The following AP3B1 variants were observed in gnomAD, a reference collection of about 807,000 sequenced individuals.
AP3B1 encodes the protein AP-3 complex subunit beta-1.
Under a neutral mutation model 132.5 loss-of-function variants are expected in AP3B1, and 61 were observed. The observed-to-expected ratio is 0.46, with a 90% CI of 0.37 to 0.57. The LOEUF is 0.57. Ranked by LOEUF, AP3B1 falls within the 20% of genes least tolerant of loss-of-function variation. The pLI is 0.00. For synonymous variants in AP3B1, 388 were observed against 438.3 expected, an observed-to-expected ratio of 0.89 and a Z score of 1.43; for missense variants, 1,120 against 1,289.4, an observed-to-expected ratio of 0.87 and a Z score of 2.01.
At chr5:78,244,967 C>T (rs533394778) in intron 2 of AP3B1, among the ~76,000 whole-genome samples, 1 of 151,810 alleles carries the variant, frequency 6.6e-6, no homozygotes, top group Non-Finnish European at 1.5e-5. Context: ...TGCACTCCAG[C>T]GTGGTGACAG....
chr5:78,115,093 C>T (rs1751767336), intron 18 of AP3B1, among the ~76,000 whole-genome samples: 1 of 152,094 alleles, frequency 6.6e-6, no homozygotes, highest in Admixed American at 6.5e-5. Flanking sequence ...GTTTATTTTA[C>T]TAAAATAAAG....
intron 7 of AP3B1, among the ~76,000 whole-genome samples, chr5:78,187,530 T>C (rs189966764): frequency 2.7e-4 from 41 of 152,266 alleles, no homozygotes; most frequent in Admixed American, 2.6e-3. Context: ...TTTAAGATTA[T>C]GGCAGTATAT....
intron 15 of AP3B1, among the ~76,000 whole-genome samples, chr5:78,134,577 G>A (rs1046418043): frequency 6.6e-6 from 1 of 152,018 alleles, no homozygotes. Flanking sequence ...TTTCGCTCTG[G>A]TTGCCCAGGC....
At chr5:78,124,903 A>AT (rs1248893389) in intron 17 of AP3B1, among the ~76,000 whole-genome samples, 2 of 152,280 alleles carry the variant, frequency 1.3e-5, no homozygotes, top group South Asian at 4.1e-4. Flanking sequence ...TCAAACGTGC[A>AT]TTTTTTCTTG....
chr5:78,045,476 C>A (rs531573728), intron 22 of AP3B1, among the ~76,000 whole-genome samples: 8 of 150,950 alleles, frequency 5.3e-5, no homozygotes, highest in Non-Finnish European at 1.0e-4. Flanking sequence ...TTACGCCAAA[C>A]TTCTCCAGCA....
intron 1 of AP3B1, among the ~76,000 whole-genome samples, chr5:78,290,214 AG>A: frequency 6.6e-6 from 1 of 152,172 alleles, no homozygotes; most frequent in East Asian, 1.9e-4. Flanking sequence ...ACTTAAATCC[AG>A]GTCTTCTAAC....
chr5:78,004,779 C>A (rs1746322858), intron 26 of AP3B1, among the ~76,000 whole-genome samples: 1 of 152,164 alleles, frequency 6.6e-6, no homozygotes, highest in Non-Finnish European at 1.5e-5. Flanking sequence ...TCTGACAGAG[C>A]AGTATTCCTA....
intron 7 of AP3B1, among the ~76,000 whole-genome samples, chr5:78,215,289 A>T (rs1360556940): frequency 6.6e-6 from 1 of 152,056 alleles, no homozygotes; most frequent in African/African-American, 2.4e-5. Flanking sequence ...GACTAGAATG[A>T]ATGTGCTATT....
At chr5:78,177,541 G>C in intron 8 of AP3B1, 105 bp from the exon 9 acceptor site, 1 of 880,892 alleles carries the variant, frequency 1.1e-6, no homozygotes, top group Non-Finnish European at 1.9e-6. Context: ...ACAAATTCCT[G>C]TGACGTAAAA....
rs1302818044 is a variant in AP3B1, at chr5:78,039,111, A to G, written c.2741T>C (p.Ile914Thr). ...ITLNNTTDRK[I>T]ENIHIGEKKL... The stretch of plus-strand genomic sequence containing the variant: ...TTTTTCCCCTATGTGGATATTTTCT[A>G]TCTTTCGATCAGTAGTGTTATTCAG... The change falls in exon 23 of 27, where the codon ATA becomes ACA. Residue 914 changes from isoleucine (I) to threonine (T), a missense_variant. Physicochemically the swap from Ile to Thr is moderately conservative, Grantham distance 89. Transcript: ENST00000255194. The G allele has an allele frequency of 3.1e-6, 5 of 1,613,440 alleles. No homozygotes were observed. Among genetic ancestry groups the G allele is most frequent in the African/African-American group, 2.7e-5 (2 of 74,894 alleles).
chr5:78,096,599 T>C (rs527344064), intron 21 of AP3B1, among the ~76,000 whole-genome samples: 2,377 of 146,750 alleles, frequency 0.016, 62 homozygotes, highest in African/African-American at 0.056. Flanking sequence ...TCGTCTGAGA[T>C]GTGGGGAGCG....
In AP3B1 at chr5:78,089,480, T is replaced by A; in HGVS notation, c.2490A>T (p.Pro830=). The stretch of plus-strand genomic sequence containing the variant: ...AAAGAGCTGGTGTGGGAAGTGCAAC[T>A]GGAGTGGATACTGGGTTAACTGTAA... The part of the protein sequence containing the change: ...DLDDFNPVST[P]VALPTPALSP... The change falls in exon 22 of 27, where the codon CCA becomes CCT. Residue 830 remains proline (P), a synonymous_variant. Coordinates refer to ENST00000255194, the MANE Select transcript of AP3B1 (RefSeq NM_003664.5). 1 of 1,612,388 alleles carries A rather than the reference T, an allele frequency of 6.2e-7. No homozygotes were observed. Among genetic ancestry groups the A allele is most frequent in the South Asian group, 1.1e-5 (1 of 91,054 alleles).
At chr5:78,081,234 G>A (rs1306138122) in intron 22 of AP3B1, among the ~76,000 whole-genome samples, 4 of 151,674 alleles carry the variant, frequency 2.6e-5, no homozygotes, top group Non-Finnish European at 5.9e-5. Context: ...ACGACACAAG[G>A]AAGAGACATA....
chr5:78,134,071 A>C (rs909015183), intron 15 of AP3B1, among the ~76,000 whole-genome samples: 3 of 149,280 alleles, frequency 2.0e-5, no homozygotes, highest in Non-Finnish European at 4.4e-5. Context: ...GAATGGCGTG[A>C]ACCTGGGAGG....
chr5:78,017,629 T>C (rs1022502708), intron 25 of AP3B1, among the ~76,000 whole-genome samples: 12 of 152,044 alleles, frequency 7.9e-5, no homozygotes, highest in Non-Finnish European at 1.8e-4. Flanking sequence ...TAAAATTAAG[T>C]AAACATTTTA....
Position 78,193,742 on chromosome 5 carries a change from T to TATA in AP3B1, c.787-12081_787-12080insTAT, listed in dbSNP as rs1561469413. Among the ~76,000 whole-genome samples, 225 of 90,540 alleles carry TATA rather than the reference T, an allele frequency of 2.5e-3. 1 individual carries two copies. Among genetic ancestry groups the TATA allele is most frequent in the Non-Finnish European group, 3.5e-3 (169 of 48,108 alleles). 59.4% of individuals were successfully genotyped at this position (90,540 alleles called of 152,430 possible). A position where few individuals can be genotyped will look rare whatever the true frequency, so the allele number is the denominator to read the frequency against. On this transcript the variant is annotated intron_variant, in intron 7 of 26. Coordinates refer to ENST00000255194, the MANE Select transcript of AP3B1 (RefSeq NM_003664.5). ...TATTTTTAAATATTTGTATATATTT[T>TATA]TTTATATATATATATATATATATAT...
intron 1 of AP3B1, among the ~76,000 whole-genome samples, chr5:78,281,726 G>A (rs1167231011): frequency 6.6e-6 from 1 of 152,144 alleles, no homozygotes; most frequent in Non-Finnish European, 1.5e-5. Flanking sequence ...CTGTGTGTAT[G>A]TAGGAATAGG....
At position 78,080,515 on chromosome 5, in the gene AP3B1, T is replaced by C. The variant is rs1227240607; in HGVS notation, c.2577+8878A>G. Among the ~76,000 whole-genome samples, 3 of 151,546 alleles carry C rather than the reference T, an allele frequency of 2.0e-5. No individual in the cohort carries two copies. In the East Asian group the frequency reaches 5.8e-4, roughly 29 times the overall value. On this transcript the variant is annotated intron_variant, in intron 22 of 26. Coordinates refer to ENST00000255194, the MANE Select transcript of AP3B1 (RefSeq NM_003664.5). ...CAATGTGTCGGTGAACATTCTTGCA[T>C]GTTTTCATGTGTAGCCACATCGATT...
At chr5:78,252,509 G>A (rs1260640420) in intron 2 of AP3B1, among the ~76,000 whole-genome samples, 1 of 151,878 alleles carries the variant, frequency 6.6e-6, no homozygotes, top group Non-Finnish European at 1.5e-5. Flanking sequence ...TACTGCCAGA[G>A]TTCCCCCGAT....
Sources: gnomAD v4.1 joint callset for allele counts (sites outside exome capture counted in the v4.1 genomes callset) on GRCh38, gnomAD v4.1.1 for gene constraint, MANE v1.5 for transcripts, NCBI Gene and HGNC (gene_info 2026-07-23, HGNC 2026-07-21) for gene names.